Variants in TCHH observed in about 807,000 individuals in gnomAD.
TCHH encodes the protein trichohyalin.
A neutral mutation model predicts 6.3 loss-of-function variants in TCHH; 6 were observed. The observed-to-expected ratio is 0.95, with a 90% CI of 0.52 to 1.88. TCHH has a LOEUF of 1.88. Ranked by LOEUF, TCHH falls within the 40% of genes most tolerant of loss-of-function variation. TCHH has a pLI of 0.01. For synonymous variants in TCHH, 1,087 were observed against 963.6 expected (o/e 1.13, Z -2.37); for missense variants, 2,920 against 2,449.1 (o/e 1.19, Z -4.06).
chr1:152,111,582 C>T lies in TCHH; in HGVS notation c.1635G>A (p.Arg545=). 1 of 1,609,422 alleles carries T rather than the reference C, an allele frequency of 6.2e-7. No individual in the cohort carries two copies. Among genetic ancestry groups the T allele is most frequent in the East Asian group, 2.2e-5 (1 of 44,550 alleles). ...CCTCGCGCTTCAGCAGCTGCTCGCGCCTCTCCTCCTGCTCGCGTCTTAGTT... is the reference window on the plus strand; with the variant it reads ...CCTCGCGCTTCAGCAGCTGCTCGCGTCTCTCCTCCTGCTCGCGTCTTAGTT... ...EQQLRREQEE[R]REQLLKREEE... Residue 545 remains arginine, a synonymous_variant, in exon 3 of 3, where the codon AGG becomes AGA. Coordinates refer to ENST00000614923, the MANE Select transcript of TCHH (RefSeq NM_007113.4).
At position 152,110,941 on chromosome 1, in the gene TCHH, T is replaced by G; in HGVS notation, c.2276A>C (p.Gln759Pro). The change falls in exon 3 of 3, where the codon CAG (glutamine) becomes CCG (proline). Residue 759 changes from glutamine to proline, a missense_variant. Physicochemically the swap from Gln to Pro is moderately conservative, Grantham distance 76. Coordinates refer to ENST00000614923, the MANE Select transcript of TCHH (RefSeq NM_007113.4). ...QEEERAHRQQ[Q>P]EEEQRRDFTW... is the part of the protein sequence containing the mutation. ...GAAGTCCCGGCGCTGCTCCTCTTCC[T>G]GCTGCTGCCGGTGAGCCCGTTCCTC... 1.2e-6 allele frequency: 2 copies of G among 1,613,304 alleles called. No homozygotes were observed. Among genetic ancestry groups the G allele is most frequent in the South Asian group, 1.1e-5 (1 of 91,086 alleles).
Position 152,109,283 on chromosome 1 carries a change from T to C in TCHH, c.3934A>G (p.Arg1312Gly), listed in dbSNP as rs937104621. 4.3e-6 allele frequency: 7 copies of C among 1,614,124 alleles called. No homozygotes were observed. Among genetic ancestry groups the C allele is most frequent in the Non-Finnish European group, 5.9e-6 (7 of 1,180,052 alleles). Reference sequence around the variant, plus strand: ...AACTGCTTTTCCTCTTGGGACTTCCTGTCGCGCCTTTTGGCTTCCTTTTGC... The same window carrying C: ...AACTGCTTTTCCTCTTGGGACTTCCCGTCGCGCCTTTTGGCTTCCTTTTGC... Reference protein sequence around the residue: ...EEQKEAKRRDRKSQEEKQLLR... With the variant: ...EEQKEAKRRDGKSQEEKQLLR... The change falls in exon 3 of 3, where the codon AGG becomes GGG. Residue 1312 changes from arginine (R) to glycine (G), a missense_variant. Arg to Gly is a moderately radical substitution (Grantham distance 125). Transcript: ENST00000614923.
At position 152,107,082 on chromosome 1, in the gene TCHH, T is replaced by C. The variant is rs1658125587; in HGVS notation, c.*303A>G. 3 of 242,266 alleles carry C rather than the reference T, an allele frequency of 1.2e-5. No individual in the cohort carries two copies. The highest frequency in any genetic ancestry group is 1.6e-5 in the Non-Finnish European group (2 of 126,550). The allele number at this position is 242,266 out of a possible 1,614,324, so 15.0% of individuals were successfully genotyped here. ...TACTTCTGAAAGCAATAAATGAACA[T>C]GTTCCTCAAACAAAATTTCTTAAAC... is the stretch of plus-strand genomic sequence containing the variant. On this transcript the variant is annotated 3_prime_UTR_variant, in exon 3 of 3. Transcript: ENST00000614923.
rs749466229 is a variant in TCHH, at chr1:152,111,813, C to A, written c.1404G>T (p.Glu468Asp). The A allele has an allele frequency of 1.2e-6, 2 of 1,604,880 alleles. No homozygotes were observed. Among genetic ancestry groups the A allele is most frequent in the South Asian group, 2.2e-5 (2 of 90,666 alleles). ...TCAGCTGCTGCTTGCGCCTCTCCTG[C>A]TCGTGCCTCTCCGTCTCCTCCTCGC... ...LKREEETERH[E>D]QERRKQQLKR... The change falls in exon 3 of 3, where the codon GAG becomes GAT. Residue 468 changes from glutamate (E) to aspartate (D), a missense_variant. By Grantham distance (45) the Glu-to-Asp change is conservative. Coordinates refer to ENST00000614923, the MANE Select transcript of TCHH (RefSeq NM_007113.4).
chr1:152,109,259 ACTGCTTTT>A lies in TCHH; in HGVS notation c.3950_3957del (p.Glu1317ValfsTer40). 1 of 1,614,028 alleles carries A rather than the reference ACTGCTTTT, an allele frequency of 6.2e-7. No homozygotes were observed. Among genetic ancestry groups the A allele is most frequent in the Non-Finnish European group, 8.5e-7 (1 of 1,179,986 alleles). ...TTCTCTTCTCTTTCCTCTCTCAGCA[ACTGCTTTT>A]CCTCTTGGGACTTCCTGTCGCGCCT... On this transcript the variant is annotated frameshift_variant, in exon 3 of 3. Coordinates refer to ENST00000614923, the MANE Select transcript of TCHH (RefSeq NM_007113.4). LOFTEE classifies it low-confidence loss of function (END_TRUNC).
Position 152,108,372 on chromosome 1 carries a change from C to T in TCHH, c.4845G>A (p.Gln1615=). The change falls in exon 3 of 3, where the codon CAG becomes CAA. Residue 1615 remains glutamine, a synonymous_variant. Coordinates refer to ENST00000614923, the MANE Select transcript of TCHH (RefSeq NM_007113.4). ...RRQEGQQQLR[Q]ERDRKFREDE... The stretch of plus-strand genomic sequence containing the variant: ...CTTCGCGGAATTTTCTGTCGCGCTC[C>T]TGGCGCAGCTGTTGTTGGCCCTCCT... 1 of 1,610,716 alleles carries T rather than the reference C, an allele frequency of 6.2e-7. No homozygotes were observed. The highest frequency in any genetic ancestry group is 8.5e-7 in the Non-Finnish European group (1 of 1,178,814).
At position 152,108,920 on chromosome 1, in the gene TCHH, G is replaced by A. The variant is rs1233736692; in HGVS notation, c.4297C>T (p.Arg1433Cys). Reference sequence around the variant, plus strand: ...CGGCGCACCTGCTGTTCCTCTTCACGGAATTTTCTGTCACGCTCTTGGCGG... The same window carrying A: ...CGGCGCACCTGCTGTTCCTCTTCACAGAATTTTCTGTCACGCTCTTGGCGG... ...LSRQERDRKF[R>C]EEEQQVRRQE... The change falls in exon 3 of 3, where the codon CGT (arginine) becomes TGT (cysteine). Residue 1433 changes from arginine (R) to cysteine (C), a missense_variant. Coordinates refer to ENST00000614923, the MANE Select transcript of TCHH (RefSeq NM_007113.4). 1.9e-6 allele frequency: 3 copies of A among 1,613,008 alleles called. No homozygotes were observed. The highest frequency in any genetic ancestry group is 2.5e-6 in the Non-Finnish European group (3 of 1,179,758).
rs1193093799 is a variant in TCHH at position 152,110,468 on chromosome 1, C to CCT, written c.2747_2748dup (p.Glu917ArgfsTer29). 1.9e-6 allele frequency: 3 copies of CCT among 1,614,190 alleles called. No homozygotes were observed. The stretch of plus-strand genomic sequence containing the variant: ...TCTTGGCGCCTTCTCTTCTCGCGCT[C>CCT]CTCTCTCTGTAGCTCCTCCTCCTCC... On this transcript the variant is annotated frameshift_variant, in exon 3 of 3. Transcript: ENST00000614923. LOFTEE classifies it low-confidence loss of function (END_TRUNC).
rs751132970 is a variant in TCHH at position 152,108,118 on chromosome 1, A to G, written c.5099T>C (p.Leu1700Pro). The change falls in exon 3 of 3, where the codon CTC (leucine) becomes CCC (proline). Residue 1700 changes from leucine (L) to proline (P), a missense_variant. Coordinates refer to ENST00000614923, the MANE Select transcript of TCHH (RefSeq NM_007113.4). Reference sequence around the variant, plus strand: ...TTTTCTCTCTCGTTCCTGACGGCGGAGCTGCTGTTCCTCTTCGCGGAATTT... The same window carrying G: ...TTTTCTCTCTCGTTCCTGACGGCGGGGCTGCTGTTCCTCTTCGCGGAATTT... ...DRKFREEEQQ[L>P]RRQERERKFL... The G allele has an allele frequency of 2.5e-6, 4 of 1,600,522 alleles. No individual in the cohort carries two copies. The highest frequency in any genetic ancestry group is 1.1e-5 in the South Asian group (1 of 90,586).
Position 152,107,644 on chromosome 1 carries a change from C to A in TCHH, c.5573G>T (p.Arg1858Leu), listed in dbSNP as rs1658144406. 6.2e-7 allele frequency: 1 copy of A among 1,613,992 alleles called. No individual in the cohort carries two copies. Among genetic ancestry groups the A allele is most frequent in the African/African-American group, 1.3e-5 (1 of 74,914 alleles). Reference sequence around the variant, plus strand: ...TTGCCATAGTTCTTGTTCCTCACGACGACTCTTCTCCTGCGTGGCAAACTG... The same window carrying A: ...TTGCCATAGTTCTTGTTCCTCACGAAGACTCTTCTCCTGCGTGGCAAACTG... ...EEQFATQEKS[R>L]REEQELWQEE... Residue 1858 changes from arginine to leucine, a missense_variant, in exon 3 of 3, where the codon CGT becomes CTT. Coordinates refer to ENST00000614923, the MANE Select transcript of TCHH (RefSeq NM_007113.4).
At position 152,112,746 on chromosome 1, in the gene TCHH, T is replaced by A. The variant is rs374411725; in HGVS notation, c.471A>T (p.Lys157Asn). Residue 157 changes from lysine (K) to asparagine (N), a missense_variant, in exon 3 of 3, where the codon AAA (lysine) becomes AAT (asparagine). Physicochemically the swap from Lys to Asn is moderately conservative, Grantham distance 94 (BLOSUM62 0). Transcript: ENST00000614923. ...TGTCGCGCTGTTCAAGTCGCTCTTG[T>A]TTCTCACTTTGCTCCTCTCCCTCAG... ...ELAEGEEQSE[K>N]QERLEQRDRQ... 1 of 1,614,092 alleles carries A rather than the reference T, an allele frequency of 6.2e-7. No homozygotes were observed. The highest frequency in any genetic ancestry group is 1.3e-5 in the African/African-American group (1 of 75,008).
At chr1:152,113,158 A>G in intron 2 of TCHH, 80 bp from the exon 3 acceptor site, 1 of 1,324,154 alleles carries the variant, frequency 7.6e-7, no homozygotes, top group Non-Finnish European at 1.0e-6. Context: ...GATATATTTT[A>G]TGCTATGCTG....
Position 152,115,261 on chromosome 1 carries a change from A to C in TCHH, c.-32+130T>G, listed in dbSNP as rs201264290. On this transcript the variant is annotated intron_variant, in intron 1 of 2. Coordinates refer to ENST00000614923, the MANE Select transcript of TCHH (RefSeq NM_007113.4). ...AAGAAGATGGGATAGAGTTAGTGATAGTTTATTTATCCCTGCAAAATACTG... is the reference window on the plus strand; with the variant it reads ...AAGAAGATGGGATAGAGTTAGTGATCGTTTATTTATCCCTGCAAAATACTG... 6 of 152,306 alleles carry C rather than the reference A, an allele frequency of 3.9e-5. No homozygotes were observed. The East Asian group carries it at 1.2e-3, about 29-fold the overall frequency. 9.4% of individuals were successfully genotyped at this position (152,306 alleles called of 1,614,324 possible). A position where few individuals can be genotyped will look rare whatever the true frequency, so the allele number is the denominator to read the frequency against.
rs1380115077 is a variant in TCHH, at chr1:152,110,735, C to T, written c.2482G>A (p.Glu828Lys). The T allele has an allele frequency of 3.7e-6, 6 of 1,610,198 alleles. No homozygotes were observed. In the East Asian group the frequency reaches 8.9e-5, roughly 24 times the overall value. ...EQRRRQRRER[E>K]KELQFLEEEE... ...TCCTCCAGGAACTGCAGCTCTTTCT[C>T]CCTCTCGCGTCGCTGGCGGCGCCGC... The change falls in exon 3 of 3, where the codon GAG (glutamate) becomes AAG (lysine). Residue 828 changes from glutamate (E) to lysine (K), a missense_variant. By Grantham distance (56) the Glu-to-Lys change is moderately conservative. Transcript: ENST00000614923.
chr1:152,107,824 C>A lies in TCHH; in HGVS notation c.5393G>T (p.Arg1798Leu). The A allele has an allele frequency of 2.5e-6, 4 of 1,613,754 alleles. No individual in the cohort carries two copies. The highest frequency in any genetic ancestry group is 3.4e-6 in the Non-Finnish European group (4 of 1,179,938). The change falls in exon 3 of 3, where the codon CGC (arginine) becomes CTC (leucine). Residue 1798 changes from arginine to leucine, a missense_variant. Coordinates refer to ENST00000614923, the MANE Select transcript of TCHH (RefSeq NM_007113.4). ...LRSQESDRKF[R>L]EEEQLRQERE... ...CTCCTGGCGTAGCTGTTCCTCCTCG[C>A]GGAATTTTCTGTCAGACTCTTGGCT...
chr1:152,108,291 G>A lies in TCHH; in HGVS notation c.4926C>T (p.Asp1642=). The A allele has an allele frequency of 6.3e-7, 1 of 1,598,156 alleles. No homozygotes were observed. The highest frequency in any genetic ancestry group is 8.5e-7 in the Non-Finnish European group (1 of 1,174,026). ...GCGGTTCCTCCTCGAGGAATTTTCT[G>A]TCACGCTCTTGGCGGTGCAGCTGCT... ...EEQQLHRQER[D]RKFLEEEPQL... The change falls in exon 3 of 3, where the codon GAC becomes GAT. Residue 1642 remains aspartate (D), a synonymous_variant. Transcript: ENST00000614923.
rs375049917 is a variant in TCHH, at chr1:152,109,226, G to T, written c.3991C>A (p.Arg1331Ser). The T allele has an allele frequency of 2.5e-6, 4 of 1,614,232 alleles. No individual in the cohort carries two copies. The Admixed American group carries it at 5.0e-5, about 20-fold the overall frequency. The change falls in exon 3 of 3, where the codon CGT becomes AGT. Residue 1331 changes from arginine (R) to serine (S), a missense_variant. Transcript: ENST00000614923. ...LREEREEKRRRQETDRKFREE... is the reference protein window; with the variant it reads ...LREEREEKRRSQETDRKFREE... ...CGGAATTTTCTGTCTGTCTCTTGAC[G>T]GCGTCTCTTCTCTTCTCTTTCCTCT...
In TCHH at chr1:152,109,493, A is replaced by T; in HGVS notation, c.3724T>A (p.Cys1242Ser). 6.2e-7 allele frequency: 1 copy of T among 1,614,286 alleles called. No individual in the cohort carries two copies. The highest frequency in any genetic ancestry group is 8.5e-7 in the Non-Finnish European group (1 of 1,180,054). Residue 1242 changes from cysteine (C) to serine (S), a missense_variant, in exon 3 of 3, where the codon TGC becomes AGC. Transcript: ENST00000614923. The part of the protein sequence containing the change: ...ENAVRDNKVY[C>S]KGRENEQFRQ... ...AACTGTTCATTCTCTCTGCCTTTGC[A>T]GTAAACCTTGTTATCACGAACTGCA... is the stretch of plus-strand genomic sequence containing the variant.
At chr1:152,113,378 A>G (rs1658438216) in intron 2 of TCHH, among the ~76,000 whole-genome samples, 1 of 152,264 alleles carries the variant, frequency 6.6e-6, no homozygotes, top group African/African-American at 2.4e-5. Context: ...GCAGAGCCTG[A>G]GGTGAAGATT....
Sources: allele counts gnomAD v4.1 joint callset (sites outside exome capture counted in the v4.1 genomes callset), GRCh38; gene constraint gnomAD v4.1.1; transcripts MANE v1.5; gene names NCBI Gene and HGNC (gene_info 2026-07-23, HGNC 2026-07-21).